Variants in TANGO6 observed in about 807,000 individuals in gnomAD.
TANGO6 encodes the protein transport and golgi organization 6 homolog, also known as transport and Golgi organization protein 6 homolog.
TANGO6 carries 90 observed loss-of-function variants against 114.2 expected under a neutral mutation model. The ratio of observed to expected loss-of-function variants is 0.79; its 90% CI spans 0.66 to 0.94. The LOEUF (loss-of-function observed/expected upper bound fraction) is 0.94, where lower values mean the gene tolerates loss of function less well. TANGO6 is among the 40% of genes least tolerant of loss of function. The probability of loss-of-function intolerance (pLI) is 0.00; values close to 1 mark genes in which losing one functional copy is unlikely to be tolerated. For missense variants in TANGO6, 1,274 were observed against 1,315.3 expected, an observed-to-expected ratio of 0.97 and a Z score of 0.49; for synonymous variants, 477 against 509.8, an observed-to-expected ratio of 0.94 and a Z score of 0.87.
intron 15 of TANGO6, among the ~76,000 whole-genome samples, chr16:69,015,464 T>TTTTATTTATTTATTTATTTATTTATTTA (rs60863406): frequency 1.4e-5 from 2 of 143,944 alleles, no homozygotes; most frequent in East Asian, 2.0e-4. Context: ...GCTCATTTTA[T>TTTTATTTATTTATTTATTTATTTATTTA]TTTATTTATT....
intron 14 of TANGO6, among the ~76,000 whole-genome samples, chr16:68,935,209 G>T (rs572627621): frequency 6.6e-6 from 1 of 152,176 alleles, no homozygotes; most frequent in South Asian, 2.1e-4. Flanking sequence ...CACTTGTCCT[G>T]TAGTACAGGA....
chr16:68,850,485 T>G (rs1961883979), intron 1 of TANGO6, among the ~76,000 whole-genome samples: 1 of 152,182 alleles, frequency 6.6e-6, no homozygotes, highest in African/African-American at 2.4e-5. Flanking sequence ...AATCCAACAT[T>G]ACCACTACAA....
intron 14 of TANGO6, among the ~76,000 whole-genome samples, chr16:68,945,936 T>G (rs1963409630): frequency 6.6e-6 from 1 of 152,162 alleles, no homozygotes; most frequent in Non-Finnish European, 1.5e-5. Context: ...TCCCCCGCCT[T>G]GGCCTCCCAA....
intron 7 of TANGO6, among the ~76,000 whole-genome samples, chr16:68,895,934 A>AT (rs1962697535): frequency 2.0e-5 from 3 of 150,288 alleles, no homozygotes; most frequent in African/African-American, 7.3e-5. Flanking sequence ...AAACTTTTTA[A>AT]TTTTAATTTT....
At chr16:69,048,114 G>C (rs1014473677) in intron 17 of TANGO6, among the ~76,000 whole-genome samples, 8 of 151,706 alleles carry the variant, frequency 5.3e-5, no homozygotes, top group African/African-American at 1.7e-4. Context: ...ACAGAGTCTT[G>C]CTCTGTCACC....
chr16:68,970,347 A>G (rs1963689689), intron 14 of TANGO6, among the ~76,000 whole-genome samples: 1 of 152,176 alleles, frequency 6.6e-6, no homozygotes, highest in African/African-American at 2.4e-5. Context: ...GTTCTCTGCT[A>G]AAGACTAATG....
intron 5 of TANGO6, among the ~76,000 whole-genome samples, chr16:68,876,112 T>C (rs537573044): frequency 6.6e-6 from 1 of 152,310 alleles, no homozygotes; most frequent in South Asian, 2.1e-4. Context: ...TTAACATGTA[T>C]GTGCATACAC....
At chr16:68,928,298 A>T (rs944298025) in intron 13 of TANGO6, among the ~76,000 whole-genome samples, 1 of 98,600 alleles carries the variant, frequency 1.0e-5, no homozygotes, top group Non-Finnish European at 1.9e-5. Context: ...CTGAGTGCCA[A>T]TTTTTTTTTT....
At chr16:68,921,039 G>A (rs1277780961) in intron 12 of TANGO6, among the ~76,000 whole-genome samples, 1 of 147,512 alleles carries the variant, frequency 6.8e-6, no homozygotes, top group Non-Finnish European at 1.5e-5. Flanking sequence ...GGAGGCGGAG[G>A]TTGCAGTGGG....
intron 12 of TANGO6, among the ~76,000 whole-genome samples, chr16:68,922,524 GACTCCATCTCAAA>G (rs1338852770): frequency 6.6e-6 from 1 of 150,978 alleles, no homozygotes; most frequent in Non-Finnish European, 1.5e-5. Context: ...AACAGAGCAA[GACTCCATCTCAAA>G]ACAAACAAAC....
intron 1 of TANGO6, among the ~76,000 whole-genome samples, chr16:68,854,833 A>T (rs1174295315): frequency 1.3e-5 from 2 of 152,026 alleles, no homozygotes; most frequent in Non-Finnish European, 2.9e-5. Context: ...CTGTAGTTCT[A>T]TAGTAAGTTG....
chr16:68,974,134 C>T lies in TANGO6; in HGVS notation c.2808C>T (p.Val936=), dbSNP rs3743678. Residue 936 remains valine (V), a synonymous_variant, in exon 15 of 18, where the codon GTC becomes GTT. Transcript: ENST00000261778. ...ACACACCAGAGACCAGAATGAAAGT[C>T]GGGGAAGTCCTTATGCGAATCGTCA... The part of the protein sequence containing the change: ...DKHTPETRMK[V]GEVLMRIVRA... The T allele has an allele frequency of 0.027, 42,960 of 1,613,762 alleles. 5,314 individuals carry two copies. In the East Asian group the frequency reaches 0.33, roughly 12 times the overall value.
intron 11 of TANGO6, among the ~76,000 whole-genome samples, chr16:68,914,341 T>C (rs1321143415): frequency 2.6e-5 from 4 of 152,144 alleles, no homozygotes; most frequent in Non-Finnish European, 5.9e-5. Context: ...TTTGTATTTT[T>C]AGTAGAGATG....
At chr16:68,973,061 C>T in intron 14 of TANGO6, 6 of 452,184 alleles carry the variant, frequency 1.3e-5, no homozygotes, top group South Asian at 9.4e-5. Flanking sequence ...AGAAGGGAAA[C>T]CACTGAGGGG....
chr16:68,880,477 C>G, intron 6 of TANGO6, 71 bp from the exon 7 acceptor site: 1 of 1,119,070 alleles, frequency 8.9e-7, no homozygotes. Flanking sequence ...GTAAAGCTTC[C>G]TTCCTTAGCT....
At chr16:68,949,010 A>G (rs938957404) in intron 14 of TANGO6, among the ~76,000 whole-genome samples, 5 of 152,120 alleles carry the variant, frequency 3.3e-5, no homozygotes, top group African/African-American at 1.2e-4. Flanking sequence ...AACATGGAGA[A>G]ACCCTGTCTC....
At chr16:69,034,437 C>A (rs32854) in intron 16 of TANGO6, 53,680 of 156,176 alleles carry the variant, frequency 0.34, 10,793 homozygotes, top group East Asian at 0.51. Context: ...ATTCACCAAG[C>A]CTCCCTGTGG....
chr16:68,992,808 C>T (rs149433904), intron 15 of TANGO6, among the ~76,000 whole-genome samples: 5 of 152,266 alleles, frequency 3.3e-5, no homozygotes, highest in Non-Finnish European at 7.4e-5. Flanking sequence ...GTGGCTCACA[C>T]CTGTAATCCC....
At chr16:69,040,724 T>C (rs1959759687) in intron 17 of TANGO6, among the ~76,000 whole-genome samples, 1 of 152,166 alleles carries the variant, frequency 6.6e-6, no homozygotes, top group South Asian at 2.1e-4. Flanking sequence ...CTAGAACACA[T>C]TCACCCTGCC....
Sources: gnomAD v4.1 joint callset for allele counts (sites outside exome capture counted in the v4.1 genomes callset) on GRCh38, gnomAD v4.1.1 for gene constraint, MANE v1.5 for transcripts, NCBI Gene and HGNC (gene_info 2026-07-23, HGNC 2026-07-21) for gene names.